Variants in KCNG1 observed in about 807,000 individuals in gnomAD.
The protein encoded by KCNG1 is potassium voltage-gated channel modifier subfamily G member 1, also known as voltage-gated potassium channel regulatory subunit KCNG1.
In KCNG1, 17 loss-of-function variants were observed where a neutral mutation model predicts 32.4. That is an observed-to-expected ratio of 0.52 (90% CI 0.36 to 0.79). The LOEUF (loss-of-function observed/expected upper bound fraction) is 0.79. Ranked by LOEUF, KCNG1 falls within the 30% of genes least tolerant of loss-of-function variation. The probability of loss-of-function intolerance (pLI) is 0.00; values close to 1 mark genes in which losing one functional copy is unlikely to be tolerated. For missense variants in KCNG1, 441 were observed against 735.2 expected (o/e 0.60, Z 4.63); for synonymous variants, 358 against 339.9 (o/e 1.05, Z -0.59).
At position 51,004,901 on chromosome 20, in the gene KCNG1, C is replaced by G; in HGVS notation, c.775-95G>C. The G allele has an allele frequency of 7.6e-7, 1 of 1,313,066 alleles. No homozygotes were observed. The highest frequency in any genetic ancestry group is 2.9e-5 in the Admixed American group (1 of 34,534). 81.3% of individuals were successfully genotyped at this position (1,313,066 alleles called of 1,614,324 possible). ...CCTGTGCCCTGCTGGGCTTCCCAGG[C>G]GGAAGGTGACCTCTCCAGGTTGAGT... On this transcript the variant is annotated intron_variant, in intron 2 of 2. Coordinates refer to ENST00000371571, the MANE Select transcript of KCNG1 (RefSeq NM_002237.4). The surrounding 1 kb of genome is among the most constrained non-coding windows in gnomAD (Gnocchi z 4.3).
intron 1 of KCNG1, among the ~76,000 whole-genome samples, chr20:51,010,927 C>CAAA (rs978296613): frequency 3.5e-4 from 3 of 8,676 alleles, no homozygotes; most frequent in Non-Finnish European, 6.0e-4. Context: ...CAAAACAAAA[C>CAAA]AAAAAAAAAA....
At chr20:51,008,338 T>G (rs1256604036) in intron 2 of KCNG1, among the ~76,000 whole-genome samples, 2 of 151,942 alleles carry the variant, frequency 1.3e-5, no homozygotes, top group Non-Finnish European at 2.9e-5. Flanking sequence ...TTAAAAAAAT[T>G]TTGTGTTTTA....
chr20:51,005,099 GA>G lies in KCNG1; in HGVS notation c.775-294del, dbSNP rs1257050392. On this transcript the variant is annotated intron_variant, in intron 2 of 2. Coordinates refer to ENST00000371571, the MANE Select transcript of KCNG1 (RefSeq NM_002237.4). The surrounding 1 kb of genome is among the most constrained non-coding windows in gnomAD (Gnocchi z 4.0). Reference sequence around the variant, plus strand: ...CACCTGGGTGTCTGAGGGGCATCTCGAACTCACCATGGGATCCTGGTTTCCT... The same window carrying G: ...CACCTGGGTGTCTGAGGGGCATCTCGACTCACCATGGGATCCTGGTTTCCT... 3.0e-6 allele frequency: 1 copy of G among 329,626 alleles called. No homozygotes were observed. The highest frequency in any genetic ancestry group is 5.5e-6 in the Non-Finnish European group (1 of 182,582). The allele number at this position is 329,626 out of a possible 1,614,324, so 20.4% of individuals were successfully genotyped here. A position where few individuals can be genotyped will look rare whatever the true frequency, so the allele number is the denominator to read the frequency against.
chr20:51,019,791 C>A (rs370639283), intron 1 of KCNG1, among the ~76,000 whole-genome samples: 5 of 152,180 alleles, frequency 3.3e-5, no homozygotes, highest in Non-Finnish European at 5.9e-5. Context: ...ATAGCTTCAT[C>A]TGTCAGGATT....
Position 51,009,548 on chromosome 20 carries a change from G to A in KCNG1, c.774+17C>T, listed in dbSNP as rs374539855. ...CCCTCGTGGTGGCGCGTTTCCCCGCGGGGCGTGGGCTCTTACCTGCTCCTC... is the reference window on the plus strand; with the variant it reads ...CCCTCGTGGTGGCGCGTTTCCCCGCAGGGCGTGGGCTCTTACCTGCTCCTC... On this transcript the variant is annotated intron_variant, in intron 2 of 2. Coordinates refer to ENST00000371571, the MANE Select transcript of KCNG1 (RefSeq NM_002237.4). 15 of 1,571,862 alleles carry A rather than the reference G, an allele frequency of 9.5e-6. No individual in the cohort carries two copies. Among genetic ancestry groups the A allele is most frequent in the East Asian group, 2.3e-5 (1 of 43,388 alleles).
chr20:51,018,348 C>T (rs34965247), intron 1 of KCNG1, among the ~76,000 whole-genome samples: 47,093 of 152,078 alleles, frequency 0.31, 8,495 homozygotes, highest in Non-Finnish European at 0.4. Context: ...ATCTGGTGAA[C>T]GGAGGTTTGC....
chr20:51,017,512 G>A (rs1048671067), intron 1 of KCNG1, among the ~76,000 whole-genome samples: 1 of 152,194 alleles, frequency 6.6e-6, no homozygotes, highest in Non-Finnish European at 1.5e-5. Flanking sequence ...CAATGAGGAG[G>A]CGTGCTGGGA....
At chr20:51,010,922 CAAAACA>C (rs1470886364) in intron 1 of KCNG1, among the ~76,000 whole-genome samples, 1 of 28,366 alleles carries the variant, frequency 3.5e-5, no homozygotes, top group Non-Finnish European at 6.9e-5. Flanking sequence ...CAAAACAAAA[CAAAACA>C]AAAAAAAAAG....
chr20:51,019,090 C>A (rs1490872768), intron 1 of KCNG1, among the ~76,000 whole-genome samples: 2 of 152,154 alleles, frequency 1.3e-5, no homozygotes, highest in African/African-American at 4.8e-5. Context: ...TCAGGGTTGC[C>A]ATTTTGGCCT....
chr20:51,010,294 C>A lies in KCNG1; in HGVS notation c.45G>T (p.Ala15=). ...AGGAGGCGTCCGAGGTGCAGCTCAG[C>A]GCGCTGTAGTCGTAGTCAGAATTGT... is the stretch of plus-strand genomic sequence containing the variant. ...PGDNSDYDYS[A]LSCTSDASFH... Residue 15 remains alanine, a synonymous_variant, in exon 2 of 3, where the codon GCG becomes GCT. Coordinates refer to ENST00000371571, the MANE Select transcript of KCNG1 (RefSeq NM_002237.4). The A allele has an allele frequency of 1.3e-6, 2 of 1,514,182 alleles. No individual in the cohort carries two copies. The highest frequency in any genetic ancestry group is 1.8e-6 in the Non-Finnish European group (2 of 1,141,214). 93.8% of individuals were successfully genotyped at this position (1,514,182 alleles called of 1,614,324 possible).
chr20:51,014,726 G>C (rs1307780250), intron 1 of KCNG1, among the ~76,000 whole-genome samples: 5 of 152,186 alleles, frequency 3.3e-5, no homozygotes, highest in African/African-American at 1.2e-4. Flanking sequence ...GTCATTTCAG[G>C]CTGCAGCGAC....
In KCNG1 at chr20:51,005,160, C is replaced by T. The variant is rs1436759013; in HGVS notation, c.775-354G>A. ...GGTGGTTTCCCTCCCTAGCTTTAGGCAATCCCATCTTTCCAATGGCTTAGG... is the reference window on the plus strand; with the variant it reads ...GGTGGTTTCCCTCCCTAGCTTTAGGTAATCCCATCTTTCCAATGGCTTAGG... On this transcript the variant is annotated intron_variant, in intron 2 of 2. Coordinates refer to ENST00000371571, the MANE Select transcript of KCNG1 (RefSeq NM_002237.4). This position sits in a 1 kb window ranked among gnomAD's most constrained non-coding sequence, Gnocchi z 4.0. 3 of 214,556 alleles carry T rather than the reference C, an allele frequency of 1.4e-5. No homozygotes were observed. Among genetic ancestry groups the T allele is most frequent in the African/African-American group, 6.9e-5 (3 of 43,448 alleles). 13.3% of individuals were successfully genotyped at this position (214,556 alleles called of 1,614,324 possible).
chr20:51,022,726 TC>T (rs1194422841), intron 1 of KCNG1, 143 bp downstream of exon 1: 3 of 152,194 alleles, frequency 2.0e-5, no homozygotes, highest in African/African-American at 7.2e-5. Flanking sequence ...CGCCCTGGCC[TC>T]CCCGCAGGCG....
chr20:51,016,795 C>G (rs999396056), intron 1 of KCNG1, among the ~76,000 whole-genome samples: 12 of 152,194 alleles, frequency 7.9e-5, no homozygotes, highest in African/African-American at 1.2e-4. Flanking sequence ...CCGCTGCCCC[C>G]CTCCCTGCTT....
intron 1 of KCNG1, among the ~76,000 whole-genome samples, chr20:51,010,677 C>T (rs940534765): frequency 3.3e-5 from 5 of 152,066 alleles, no homozygotes; most frequent in African/African-American, 7.2e-5. Context: ...GGTGGATCAC[C>T]TGAGGTCAGG....
At chr20:51,021,150 C>T (rs920933160) in intron 1 of KCNG1, among the ~76,000 whole-genome samples, 3 of 152,238 alleles carry the variant, frequency 2.0e-5, no homozygotes, top group Non-Finnish European at 4.4e-5. Flanking sequence ...TAGGTTGCCT[C>T]GTTTCCAGTG....
intron 1 of KCNG1, among the ~76,000 whole-genome samples, chr20:51,017,661 G>A (rs930351191): frequency 1.3e-5 from 2 of 152,174 alleles, no homozygotes; most frequent in African/African-American, 4.8e-5. Context: ...CTTCCCAGTC[G>A]GAATGTCTGA....
intron 2 of KCNG1, chr20:51,007,309 C>T (rs1987866372): frequency 6.6e-6 from 1 of 152,022 alleles, no homozygotes; most frequent in African/African-American, 2.4e-5. Flanking sequence ...TCTCAGCCTC[C>T]CAAGTAGCTA....
chr20:51,012,841 C>T (rs559600038), intron 1 of KCNG1, among the ~76,000 whole-genome samples: 4 of 152,310 alleles, frequency 2.6e-5, no homozygotes, highest in South Asian at 2.1e-4. Context: ...ACAGTCCCCA[C>T]CCCCAACTAT....
Sources: allele counts gnomAD v4.1 joint callset (sites outside exome capture counted in the v4.1 genomes callset), GRCh38; gene constraint gnomAD v4.1.1; non-coding constraint Gnocchi (gnomAD v3.1); transcripts MANE v1.5; gene names NCBI Gene and HGNC (gene_info 2026-07-23, HGNC 2026-07-21).